ZNRF3: variants seen among roughly 807,000 people sequenced by gnomAD.
ZNRF3 encodes the protein zinc and ring finger 3.
A neutral mutation model predicts 72.5 loss-of-function variants in ZNRF3; 23 were observed. The observed-to-expected ratio is 0.32, with a 90% CI of 0.23 to 0.45. ZNRF3 has a LOEUF of 0.45. Among genes scored for constraint, ZNRF3 ranks in the 20% least tolerant of loss-of-function variants. The probability of loss-of-function intolerance (pLI) is 1.00; values close to 1 mark genes in which losing one functional copy is unlikely to be tolerated. For missense variants in ZNRF3, 1,169 were observed against 1,272.1 expected (o/e 0.92, Z 1.23); for synonymous variants, 610 against 545.3 (o/e 1.12, Z -1.65).
chr22:28,951,509 G>A (rs1453420594), intron 1 of ZNRF3, among the ~76,000 whole-genome samples: 4 of 152,170 alleles, frequency 2.6e-5, no homozygotes, highest in Non-Finnish European at 5.9e-5. Context: ...TAGGGGAGAG[G>A]TGTGGAACAG....
At chr22:29,034,010 G>A (rs968996338) in intron 2 of ZNRF3, among the ~76,000 whole-genome samples, 3 of 152,166 alleles carry the variant, frequency 2.0e-5, no homozygotes, top group African/African-American at 4.8e-5. Context: ...GTGCCATTTT[G>A]GATTCTCCAT....
chr22:29,023,798 G>A (rs905443017), intron 2 of ZNRF3, among the ~76,000 whole-genome samples: 3 of 152,184 alleles, frequency 2.0e-5, no homozygotes, highest in Admixed American at 2.0e-4. Flanking sequence ...CACCTGGTAG[G>A]TATGCAGTTT....
At chr22:28,909,909 AT>A (rs766164193) in intron 1 of ZNRF3, among the ~76,000 whole-genome samples, 29 of 148,444 alleles carry the variant, frequency 2.0e-4, no homozygotes, top group Non-Finnish European at 3.6e-4. Flanking sequence ...AGCTAATTTA[AT>A]TTTTTTTTTC....
intron 1 of ZNRF3, among the ~76,000 whole-genome samples, chr22:28,911,241 G>A (rs1311484773): frequency 6.6e-6 from 1 of 152,158 alleles, no homozygotes; most frequent in South Asian, 2.1e-4. Flanking sequence ...GGGCAAGTTA[G>A]GGGAGGGATA....
chr22:28,978,427 T>G, intron 1 of ZNRF3, among the ~76,000 whole-genome samples: 1 of 152,184 alleles, frequency 6.6e-6, no homozygotes, highest in African/African-American at 2.4e-5. Context: ...GCCCACGTCC[T>G]GGATGGCTCC....
intron 1 of ZNRF3, among the ~76,000 whole-genome samples, chr22:28,960,753 G>C (rs2035343407): frequency 6.6e-6 from 1 of 151,882 alleles, no homozygotes. Context: ...GTCTCAGATT[G>C]GAGCCCATTA....
intron 1 of ZNRF3, among the ~76,000 whole-genome samples, chr22:28,940,291 C>T (rs756500116): frequency 2.6e-5 from 4 of 152,172 alleles, no homozygotes; most frequent in Non-Finnish European, 5.9e-5. Context: ...TTTCTGAGTT[C>T]GTCCTAGAAA....
At position 28,998,270 on chromosome 22, in the gene ZNRF3, G is replaced by T. The variant is rs962735922; in HGVS notation, c.426+11069G>T. On this transcript the variant is annotated intron_variant, in intron 2 of 8. Coordinates refer to ENST00000544604, the MANE Select transcript of ZNRF3 (RefSeq NM_001206998.2). Reference sequence around the variant, plus strand: ...GCCAAGATCGCACCACTGCATTCCAGCCTGGGCGACAGAGCGAGACTCCGT... The same window carrying T: ...GCCAAGATCGCACCACTGCATTCCATCCTGGGCGACAGAGCGAGACTCCGT... Among the ~76,000 whole-genome samples, 15 of 152,106 alleles carry T rather than the reference G, an allele frequency of 9.9e-5. No individual in the cohort carries two copies. In the East Asian group the frequency reaches 2.9e-3, roughly 29 times the overall value.
intron 8 of ZNRF3, among the ~76,000 whole-genome samples, chr22:29,051,869 C>T (rs1016904144): frequency 3.9e-4 from 57 of 145,730 alleles, no homozygotes; most frequent in African/African-American, 1.4e-3. Flanking sequence ...CCAGCCTGAG[C>T]GACTCCATCT....
Position 29,057,129 on chromosome 22 carries a change from G to A in ZNRF3, c.*3507G>A, listed in dbSNP as rs997718224. ...GCTGTAAAGATTTTGTAATAAAATGGTCTAAGGGCTCTTTTTCCAACATTA... is the reference window on the plus strand; with the variant it reads ...GCTGTAAAGATTTTGTAATAAAATGATCTAAGGGCTCTTTTTCCAACATTA... On this transcript the variant is annotated 3_prime_UTR_variant, in exon 9 of 9. Coordinates refer to ENST00000544604, the MANE Select transcript of ZNRF3 (RefSeq NM_001206998.2). The A allele has an allele frequency of 5.3e-5, 8 of 152,160 alleles. No individual in the cohort carries two copies. Among genetic ancestry groups the A allele is most frequent in the African/African-American group, 9.7e-5 (4 of 41,440 alleles). 9.4% of individuals were successfully genotyped at this position (152,160 alleles called of 1,614,324 possible).
chr22:29,005,871 A>G (rs1204919197), intron 2 of ZNRF3, among the ~76,000 whole-genome samples: 1 of 152,120 alleles, frequency 6.6e-6, no homozygotes, highest in Non-Finnish European at 1.5e-5. Flanking sequence ...CCCCGTCTCT[A>G]CTAACAATAC....
chr22:28,908,518 C>T (rs1420300507), intron 1 of ZNRF3, among the ~76,000 whole-genome samples: 1 of 152,198 alleles, frequency 6.6e-6, no homozygotes, highest in African/African-American at 2.4e-5. Context: ...TTAGTAACCA[C>T]TGGGGCCTGT....
At chr22:28,900,879 G>A (rs1182913788) in intron 1 of ZNRF3, among the ~76,000 whole-genome samples, 1 of 152,102 alleles carries the variant, frequency 6.6e-6, no homozygotes, top group Non-Finnish European at 1.5e-5. Context: ...GCTGAGGTGG[G>A]ATGATCGCTT....
chr22:28,912,075 A>T lies in ZNRF3; in HGVS notation c.300+28009A>T, dbSNP rs539566547. On this transcript the variant is annotated intron_variant, in intron 1 of 8. Coordinates refer to ENST00000544604, the MANE Select transcript of ZNRF3 (RefSeq NM_001206998.2). The stretch of plus-strand genomic sequence containing the variant: ...AATTCCTAGCCCTCTTCAAAGTTGT[A>T]ATCAAACTAAACAAACACTTTCCAC... 8.8e-4 allele frequency among the ~76,000 whole-genome samples: 134 copies of T among 152,332 alleles called. 1 individual carries two copies. Among genetic ancestry groups the T allele is most frequent in the Admixed American group, 2.5e-3 (38 of 15,300 alleles).
At chr22:28,960,332 G>C (rs1009549682) in intron 1 of ZNRF3, among the ~76,000 whole-genome samples, 2 of 152,132 alleles carry the variant, frequency 1.3e-5, no homozygotes, top group Non-Finnish European at 2.9e-5. Context: ...TAATAAATGA[G>C]TCCCTTTGTG....
At chr22:28,912,467 G>T (rs919671676) in intron 1 of ZNRF3, among the ~76,000 whole-genome samples, 1 of 151,924 alleles carries the variant, frequency 6.6e-6, no homozygotes, top group African/African-American at 2.4e-5. Flanking sequence ...CAAGGAGCCC[G>T]CCTCTTAAAG....
chr22:28,901,979 C>T (rs941730841), intron 1 of ZNRF3, among the ~76,000 whole-genome samples: 2 of 146,064 alleles, frequency 1.4e-5, no homozygotes, highest in Non-Finnish European at 3.0e-5. Flanking sequence ...GTCTGTTACC[C>T]AGGCTGGAGT....
chr22:28,968,875 G>T (rs1569265024), intron 1 of ZNRF3, among the ~76,000 whole-genome samples: 1 of 152,100 alleles, frequency 6.6e-6, no homozygotes, highest in African/African-American at 2.4e-5. Flanking sequence ...GGAGGAAATG[G>T]TCTTCTCTGT....
At position 29,049,759 on chromosome 22, in the gene ZNRF3, G is replaced by T. The variant is rs753925100; in HGVS notation, c.1578G>T (p.Thr526=). The T allele has an allele frequency of 8.8e-6, 14 of 1,595,374 alleles. No individual in the cohort carries two copies. The highest frequency in any genetic ancestry group is 1.2e-5 in the Non-Finnish European group (14 of 1,168,996). Residue 526 remains threonine, a synonymous_variant, in exon 8 of 9, where the codon ACG becomes ACT. Coordinates refer to ENST00000544604, the MANE Select transcript of ZNRF3 (RefSeq NM_001206998.2). The surrounding 1 kb of genome is among the most constrained non-coding windows in gnomAD (Gnocchi z 5.2). ...APPSHLESGS[T]SSFSCYHGHR... is the part of the protein sequence containing the mutation. The stretch of plus-strand genomic sequence containing the variant: ...CCTCCCACCTGGAGAGCGGCAGCAC[G>T]TCCAGCTTCAGCTGCTATCACGGCC...
Sources: gnomAD v4.1 joint callset for allele counts (sites outside exome capture counted in the v4.1 genomes callset) on GRCh38, gnomAD v4.1.1 for gene constraint, Gnocchi (gnomAD v3.1) non-coding constraint, MANE v1.5 for transcripts, NCBI Gene and HGNC (gene_info 2026-07-23, HGNC 2026-07-21) for gene names.